Variants in XPNPEP2 observed in about 807,000 individuals in gnomAD.
XPNPEP2 encodes X-prolyl aminopeptidase 2, also known as xaa-Pro aminopeptidase 2.
A neutral mutation model predicts 59.8 loss-of-function variants in XPNPEP2; 64 were observed. The ratio of observed to expected loss-of-function variants is 1.07; its 90% confidence interval spans 0.87 to 1.32. The LOEUF (loss-of-function observed/expected upper bound fraction) is 1.32, where lower values mean the gene tolerates loss of function less well. Ranked by LOEUF, XPNPEP2 falls within the 40% of genes most tolerant of loss-of-function variation. XPNPEP2 has a pLI of 0.00. For synonymous variants in XPNPEP2, 235 were observed against 210.0 expected, an observed-to-expected ratio of 1.12 and a Z score of -1.03; for missense variants, 575 against 546.8, an observed-to-expected ratio of 1.05 and a Z score of -0.51.
chrX:129,768,370 A>T lies in XPNPEP2; in HGVS notation c.1910A>T (p.Glu637Val). 1 of 1,209,912 alleles carries T rather than the reference A, an allele frequency of 8.3e-7. No individual in the cohort carries two copies. The highest frequency in any genetic ancestry group is 1.8e-5 in the South Asian group (1 of 56,755). The change falls in exon 21 of 21, where the codon GAG becomes GTG. Residue 637 changes from glutamate (E) to valine (V), a missense_variant. Glu to Val is a moderately radical substitution (Grantham distance 121). Coordinates refer to ENST00000371106, the MANE Select transcript of XPNPEP2 (RefSeq NM_003399.6). ...PELQRRQLLE[E>V]FEWLQQHTEP... ...CTGCAGAGGCGCCAGCTACTAGAGG[A>T]GTTCGAGTGGCTTCAACAGCACACA...
Position 129,739,265 on chromosome X carries a change from A to T in XPNPEP2, c.49+3A>T, listed in dbSNP as rs775027558. 3.3e-6 allele frequency: 4 copies of T among 1,208,425 alleles called. No individual in the cohort carries two copies. The highest frequency in any genetic ancestry group is 4.5e-6 in the Non-Finnish European group (4 of 894,817). On this transcript the variant is annotated splice_donor_region_variant and intron_variant, in intron 1 of 20. Coordinates refer to ENST00000371106, the MANE Select transcript of XPNPEP2 (RefSeq NM_003399.6). ...CCCCTGGCTGGTCCTCCTCTGTGGTATGTGCATCCTAGCTTCCACTGGAAG... is the reference window on the plus strand; with the variant it reads ...CCCCTGGCTGGTCCTCCTCTGTGGTTTGTGCATCCTAGCTTCCACTGGAAG...
chrX:129,753,814 T>C (rs1719670331), intron 11 of XPNPEP2, among the ~76,000 whole-genome samples: 1 of 111,190 alleles, frequency 9.0e-6, no homozygotes, highest in Non-Finnish European at 1.9e-5. Flanking sequence ...CTGGGTGACC[T>C]TGACCAAGTC....
chrX:129,767,095 T>C (rs1446400684), intron 19 of XPNPEP2, among the ~76,000 whole-genome samples: 3 of 110,638 alleles, frequency 2.7e-5, no homozygotes, highest in African/African-American at 9.9e-5. Context: ...CCATCAATAA[T>C]CCCAGCTACT....
At chrX:129,755,085 T>C (rs1205573255) in intron 12 of XPNPEP2, among the ~76,000 whole-genome samples, 1 of 112,162 alleles carries the variant, frequency 8.9e-6, no homozygotes, top group Non-Finnish European at 1.9e-5. Flanking sequence ...AAATAATGTG[T>C]GTCTACAGTG....
chrX:129,767,613 G>C lies in XPNPEP2; in HGVS notation c.1751G>C (p.Ser584Thr). 8.3e-7 allele frequency: 1 copy of C among 1,211,576 alleles called. No individual in the cohort carries two copies. Among genetic ancestry groups the C allele is most frequent in the Non-Finnish European group, 1.1e-6 (1 of 895,347 alleles). ...ATTCTGGGCTCCCAGTACCCAGGGA[G>C]CTACCTGACCTTTGAAGTGGTATCA... ...VVEAKTKYPG[S>T]YLTFEVVSFV... The change falls in exon 20 of 21, where the codon AGC becomes ACC. Residue 584 changes from serine to threonine, a missense_variant. By Grantham distance (58) the Ser-to-Thr change is moderately conservative. Coordinates refer to ENST00000371106, the MANE Select transcript of XPNPEP2 (RefSeq NM_003399.6).
At chrX:129,768,146 C>T (rs1926786200) in intron 20 of XPNPEP2, 145 bp from the exon 21 acceptor site, 1 of 528,811 alleles carries the variant, frequency 1.9e-6, no homozygotes, top group Non-Finnish European at 2.9e-6. Flanking sequence ...CAGAGAATTC[C>T]TGAAGCCTGA....
rs1363610972 is a variant in XPNPEP2 at position 129,757,883 on chromosome X, GAGAGAGAGAGAGAAAGAA to G, written c.1368-1293_1368-1276del. Among the ~76,000 whole-genome samples, 219 of 81,236 alleles carry G rather than the reference GAGAGAGAGAGAGAAAGAA, an allele frequency of 2.7e-3. 4 individuals carry two copies. Among genetic ancestry groups the G allele is most frequent in the African/African-American group, 0.012 (210 of 18,253 alleles). 70.5% of individuals were successfully genotyped at this position (81,236 alleles called of 115,157 possible). A position where few individuals can be genotyped will look rare whatever the true frequency, so the allele number is the denominator to read the frequency against. On this transcript the variant is annotated intron_variant, in intron 14 of 20. Transcript: ENST00000371106. ...AGAGGGAGAGAGAGAAAGAGAGAGAGAGAGAGAGAGAGAAAGAAAGAAAGAAAGAAAGAAAGAAAGAAA... is the reference window on the plus strand; with the variant it reads ...AGAGGGAGAGAGAGAAAGAGAGAGAGAGAAAGAAAGAAAGAAAGAAAGAAA...
intron 15 of XPNPEP2, 137 bp downstream of exon 15, chrX:129,759,377 C>T: frequency 1.3e-6 from 1 of 756,858 alleles, no homozygotes; most frequent in South Asian, 2.5e-5. Context: ...ACCACTGGTG[C>T]CGGAAAACCC....
intron 19 of XPNPEP2, among the ~76,000 whole-genome samples, chrX:129,765,328 C>T (rs769701297): frequency 1.8e-5 from 2 of 112,046 alleles, no homozygotes; most frequent in Non-Finnish European, 3.8e-5. Context: ...ATCAATGCTA[C>T]AAATCACTGT....
At chrX:129,753,906 G>T (rs1275052800) in intron 11 of XPNPEP2, among the ~76,000 whole-genome samples, 1 of 111,908 alleles carries the variant, frequency 8.9e-6, no homozygotes, top group Non-Finnish European at 1.9e-5. Flanking sequence ...GTTGTTGTGA[G>T]AATTCAATGA....
At chrX:129,766,846 G>A (rs1198319921) in intron 19 of XPNPEP2, among the ~76,000 whole-genome samples, 2 of 111,680 alleles carry the variant, frequency 1.8e-5, no homozygotes, top group Admixed American at 9.6e-5. Flanking sequence ...GGCAGAAGGC[G>A]AAGGGGAAGC....
In XPNPEP2 at chrX:129,760,627, C is replaced by T. The variant is rs373128483; in HGVS notation, c.1498+46C>T. The T allele has an allele frequency of 3.2e-5, 37 of 1,162,223 alleles. 1 individual carries two copies. In the South Asian group the frequency reaches 4.4e-4, roughly 14 times the overall value. On this transcript the variant is annotated intron_variant, in intron 16 of 20. Coordinates refer to ENST00000371106, the MANE Select transcript of XPNPEP2 (RefSeq NM_003399.6). The stretch of plus-strand genomic sequence containing the variant: ...TGGACACAGCCTCAGGCCCTGATTT[C>T]ACAGGACTCAGACCATCACCCTGGG...
In XPNPEP2 at chrX:129,750,467, G is replaced by A; in HGVS notation, c.638-1G>A. 8.4e-7 allele frequency: 1 copy of A among 1,189,842 alleles called. No homozygotes were observed. Among genetic ancestry groups the A allele is most frequent in the Non-Finnish European group, 1.1e-6 (1 of 883,801 alleles). ...CTTTTTTGGGGCTCCTTTGCTTCTA[G>A]GGAGCACTTGGCAGGAGAAAGTATC... On this transcript the variant is annotated splice_acceptor_variant, in intron 7 of 20. Transcript: ENST00000371106. LOFTEE classifies it high-confidence loss of function.
intron 19 of XPNPEP2, among the ~76,000 whole-genome samples, chrX:129,763,635 T>G (rs769896658): frequency 2.6e-4 from 29 of 111,276 alleles, no homozygotes; most frequent in Non-Finnish European, 2.1e-4. Flanking sequence ...ACCACGCCAC[T>G]GCACTCTAGC....
At position 129,768,306 on chromosome X, in the gene XPNPEP2, C is replaced by T. The variant is rs377124731; in HGVS notation, c.1846C>T (p.Arg616Cys). The T allele has an allele frequency of 1.1e-5, 13 of 1,170,282 alleles. No homozygotes were observed. The highest frequency in any genetic ancestry group is 1.5e-5 in the Non-Finnish European group (13 of 878,095). ...TCCTTCGCAGCTCCAGTACCTGAAT[C>T]GCTACTACCAGACCATCCGGGAGAA... ...LSPEHLQYLN[R>C]YYQTIREKVG... The change falls in exon 21 of 21, where the codon CGC (arginine) becomes TGC (cysteine). Residue 616 changes from arginine (R) to cysteine (C), a missense_variant. Coordinates refer to ENST00000371106, the MANE Select transcript of XPNPEP2 (RefSeq NM_003399.6).
In XPNPEP2 at chrX:129,747,707, A is replaced by C. The variant is rs769351474; in HGVS notation, c.591A>C (p.Pro197=). ...ACCTGGTATGGGGATCAGAGAGGCC[A>C]CCGGTTCCAAATCAACCCATTTATG... is the stretch of plus-strand genomic sequence containing the variant. The part of the protein sequence containing the change: ...LVDLVWGSER[P]PVPNQPIYAL... The change falls in exon 7 of 21, where the codon CCA becomes CCC. Residue 197 remains proline (P), a synonymous_variant. Coordinates refer to ENST00000371106, the MANE Select transcript of XPNPEP2 (RefSeq NM_003399.6). The C allele has an allele frequency of 8.3e-7, 1 of 1,211,998 alleles. No homozygotes were observed. The highest frequency in any genetic ancestry group is 1.1e-6 in the Non-Finnish European group (1 of 895,575).
intron 7 of XPNPEP2, among the ~76,000 whole-genome samples, chrX:129,748,588 G>A (rs1468524428): frequency 8.9e-6 from 1 of 112,281 alleles, no homozygotes; most frequent in Non-Finnish European, 1.9e-5. Context: ...GCAGGAGGGA[G>A]ATTTCAAAAT....
At chrX:129,752,460 C>G (rs767302697) in intron 10 of XPNPEP2, 115 bp downstream of exon 10, 2 of 820,983 alleles carry the variant, frequency 2.4e-6, no homozygotes, top group South Asian at 2.6e-5. Flanking sequence ...GGTCAGCCAA[C>G]AACTGTGCAG....
intron 2 of XPNPEP2, 47 bp downstream of exon 2, chrX:129,742,228 C>A: frequency 1.5e-6 from 1 of 683,278 alleles, no homozygotes. Context: ...GCCCCACGCA[C>A]CCCCCCACCC....
Sources: allele counts gnomAD v4.1 joint callset (sites outside exome capture counted in the v4.1 genomes callset), GRCh38; gene constraint gnomAD v4.1.1; transcripts MANE v1.5; gene names NCBI Gene and HGNC (gene_info 2026-07-23, HGNC 2026-07-21).